The following MNAT1 variants were observed in gnomAD, a reference collection of about 807,000 sequenced individuals.
MNAT1 encodes the protein MNAT1 component of CDK activating kinase.
MNAT1 carries 43 observed loss-of-function variants against 42.0 expected under a neutral mutation model. The observed-to-expected ratio is 1.02, with a 90% CI of 0.80 to 1.32. The LOEUF (loss-of-function observed/expected upper bound fraction) is 1.32, where lower values mean the gene tolerates loss of function less well. MNAT1 is among the 40% of genes most tolerant of loss of function. The pLI, the probability that MNAT1 is intolerant of heterozygous loss-of-function variation, is 0.00. For missense variants in MNAT1, 306 were observed against 350.4 expected (o/e 0.87, Z 1.01); for synonymous variants, 118 against 120.0 (o/e 0.98, Z 0.11).
chr14:60,888,714 A>C lies in MNAT1; in HGVS notation c.809+8879A>C, dbSNP rs199577013. Among the ~76,000 whole-genome samples the C allele has an allele frequency of 2.2e-4, 31 of 142,022 alleles. No individual in the cohort carries two copies. In the East Asian group the frequency reaches 6.0e-3, roughly 28 times the overall value. The allele number at this position is 142,022 out of a possible 152,430, so 93.2% of individuals were successfully genotyped here. The stretch of plus-strand genomic sequence containing the variant: ...CTAGAAAACCCCATCGTCTCAGCCC[A>C]AAATCTCCTTAAGCTGATAAGCAAC... On this transcript the variant is annotated intron_variant, in intron 7 of 7. Transcript: ENST00000261245.
At chr14:60,913,440 T>C (rs2035433779) in intron 7 of MNAT1, among the ~76,000 whole-genome samples, 1 of 152,204 alleles carries the variant, frequency 6.6e-6, no homozygotes, top group Non-Finnish European at 1.5e-5. Context: ...GCTCTGTGTT[T>C]TCCCCATCTT....
intron 4 of MNAT1, among the ~76,000 whole-genome samples, chr14:60,809,226 T>C (rs936432308): frequency 1.3e-5 from 2 of 152,156 alleles, no homozygotes; most frequent in Non-Finnish European, 2.9e-5. Flanking sequence ...TAATAATCAG[T>C]GAAAAGGATA....
intron 7 of MNAT1, among the ~76,000 whole-genome samples, chr14:60,958,240 T>C (rs1312620442): frequency 6.6e-6 from 1 of 152,226 alleles, no homozygotes; most frequent in African/African-American, 2.4e-5. Flanking sequence ...CCCTCAGTTT[T>C]GTTTGTCTGG....
chr14:60,944,387 C>A (rs542819368), intron 7 of MNAT1, among the ~76,000 whole-genome samples: 3 of 152,262 alleles, frequency 2.0e-5, no homozygotes, highest in Non-Finnish European at 2.9e-5. Context: ...ATAAGAACAG[C>A]TACCAGAGAA....
chr14:60,800,285 G>A (rs930326348), intron 3 of MNAT1, among the ~76,000 whole-genome samples: 17 of 152,018 alleles, frequency 1.1e-4, no homozygotes, highest in Non-Finnish European at 1.9e-4. Context: ...GCAGTGACTC[G>A]CGCCTGTAAT....
chr14:60,889,952 CAG>C (rs961520313), intron 7 of MNAT1, among the ~76,000 whole-genome samples: 7 of 152,154 alleles, frequency 4.6e-5, no homozygotes, highest in Admixed American at 3.9e-4. Context: ...CAGGAAACAA[CAG>C]GTGCTGGAGA....
intron 7 of MNAT1, among the ~76,000 whole-genome samples, chr14:60,933,519 G>T (rs1488023056): frequency 6.6e-6 from 1 of 151,962 alleles, no homozygotes; most frequent in African/African-American, 2.4e-5. Flanking sequence ...TTCTTAAAAA[G>T]AATTTAAGGA....
At chr14:60,779,303 C>T (rs1251887023) in intron 1 of MNAT1, among the ~76,000 whole-genome samples, 1 of 152,138 alleles carries the variant, frequency 6.6e-6, no homozygotes, top group African/African-American at 2.4e-5. Context: ...TTTCAAACCT[C>T]TTAGATAAAA....
At position 60,879,709 on chromosome 14, in the gene MNAT1, A is replaced by G. The variant is rs2034506891; in HGVS notation, c.688-5A>G. 2 of 1,606,948 alleles carry G rather than the reference A, an allele frequency of 1.2e-6. No homozygotes were observed. Among genetic ancestry groups the G allele is most frequent in the Non-Finnish European group, 1.7e-6 (2 of 1,177,418 alleles). Reference sequence around the variant, plus strand: ...AGGTATTAAGTTCCTTCATTTTTCTAACAGGGTCAACATATTTCACTGGCA... The same window carrying G: ...AGGTATTAAGTTCCTTCATTTTTCTGACAGGGTCAACATATTTCACTGGCA... On this transcript the variant is annotated splice_region_variant and splice_polypyrimidine_tract_variant and intron_variant, in intron 6 of 7. Transcript: ENST00000261245.
chr14:60,875,538 A>G (rs1457895973), intron 6 of MNAT1, among the ~76,000 whole-genome samples: 1 of 152,134 alleles, frequency 6.6e-6, no homozygotes. Flanking sequence ...TACCATTAAT[A>G]GTACTTAATC....
At chr14:60,744,890 AACTCT>A (rs1896570638) in intron 1 of MNAT1, among the ~76,000 whole-genome samples, 1 of 152,070 alleles carries the variant, frequency 6.6e-6, no homozygotes, top group South Asian at 2.1e-4. Flanking sequence ...GGCTGGTGGG[AACTCT>A]AGGTATACCC....
At chr14:60,751,546 A>G (rs1387837137) in intron 1 of MNAT1, among the ~76,000 whole-genome samples, 2 of 151,984 alleles carry the variant, frequency 1.3e-5, no homozygotes, top group African/African-American at 4.8e-5. Context: ...GGAAGCCTAA[A>G]TGAATTGTAT....
At chr14:60,743,652 A>G (rs1208419141) in intron 1 of MNAT1, among the ~76,000 whole-genome samples, 1 of 152,210 alleles carries the variant, frequency 6.6e-6, no homozygotes, top group East Asian at 1.9e-4. Context: ...GTTTATAAGA[A>G]AGTGTTTTTA....
intron 1 of MNAT1, among the ~76,000 whole-genome samples, chr14:60,746,897 C>CGT (rs1555371854): frequency 1.8e-4 from 4 of 21,950 alleles, no homozygotes; most frequent in Non-Finnish European, 1.4e-4. Context: ...AGATTCATTT[C>CGT]ATATATATAT....
chr14:60,959,238 C>T (rs2036544475), intron 7 of MNAT1, among the ~76,000 whole-genome samples: 1 of 152,332 alleles, frequency 6.6e-6, no homozygotes, highest in Admixed American at 6.5e-5. Context: ...CCTCAGTGAA[C>T]ACCGTGGTAT....
intron 1 of MNAT1, among the ~76,000 whole-genome samples, chr14:60,737,322 C>A (rs1238906555): frequency 6.6e-6 from 1 of 152,002 alleles, no homozygotes; most frequent in East Asian, 1.9e-4. Context: ...CATATACAAA[C>A]ATGGGTGTGT....
chr14:60,874,462 C>A (rs1198841678), intron 6 of MNAT1, among the ~76,000 whole-genome samples: 3 of 152,048 alleles, frequency 2.0e-5, no homozygotes, highest in African/African-American at 7.2e-5. Context: ...TTCATTCTTC[C>A]ATCTTTTATT....
At position 60,813,257 on chromosome 14, in the gene MNAT1, C is replaced by T. The variant is rs145067140; in HGVS notation, c.561+1130C>T. 3.6e-3 allele frequency among the ~76,000 whole-genome samples: 546 copies of T among 152,248 alleles called. 5 individuals carry two copies. Among genetic ancestry groups the T allele is most frequent in the African/African-American group, 0.012 (503 of 41,542 alleles). ...TGCTTGTGTCTGGTCTGACTGCGGG[C>T]CCCATGCAAAACTTGTTCCTGTATT... is the stretch of plus-strand genomic sequence containing the variant. On this transcript the variant is annotated intron_variant, in intron 5 of 7. Transcript: ENST00000261245.
intron 7 of MNAT1, among the ~76,000 whole-genome samples, chr14:60,925,064 C>T (rs1217659878): frequency 2.6e-5 from 4 of 152,120 alleles, no homozygotes; most frequent in African/African-American, 4.8e-5. Context: ...ATTCAACTAA[C>T]GGCAAATTGA....
Sources: allele counts gnomAD v4.1 joint callset (sites outside exome capture counted in the v4.1 genomes callset), GRCh38; gene constraint gnomAD v4.1.1; transcripts MANE v1.5; gene names NCBI Gene and HGNC (gene_info 2026-07-23, HGNC 2026-07-21).